The following RBPMS2 variants were observed in gnomAD, a reference collection of about 807,000 sequenced individuals.
The protein encoded by RBPMS2 is RNA binding protein, mRNA processing factor 2, also known as RNA-binding protein with multiple splicing 2.
RBPMS2 carries 14 observed loss-of-function variants against 25.7 expected under a neutral mutation model. That is an observed-to-expected ratio of 0.55 (90% CI 0.36 to 0.85). The LOEUF is 0.85. Ranked by LOEUF, RBPMS2 falls within the 40% of genes least tolerant of loss-of-function variation. RBPMS2 has a pLI of 0.01. For missense variants in RBPMS2, 252 were observed against 283.4 expected (o/e 0.89, Z 0.80); for synonymous variants, 127 against 115.6 (o/e 1.10, Z -0.63).
intron 2 of RBPMS2, among the ~76,000 whole-genome samples, chr15:64,751,113 T>C (rs1322257838): frequency 6.6e-6 from 1 of 151,874 alleles, no homozygotes; most frequent in Non-Finnish European, 1.5e-5. Flanking sequence ...GGCGGGCGGA[T>C]CACGAGGTCA....
At chr15:64,743,464 G>A (rs1408149209) in intron 6 of RBPMS2, among the ~76,000 whole-genome samples, 1 of 152,266 alleles carries the variant, frequency 6.6e-6, no homozygotes, top group Admixed American at 6.5e-5. Flanking sequence ...ATTTAGAAGG[G>A]CTGCTTTTCC....
intron 1 of RBPMS2, among the ~76,000 whole-genome samples, chr15:64,764,524 T>C (rs1169793046): frequency 1.3e-5 from 2 of 152,172 alleles, no homozygotes; most frequent in African/African-American, 4.8e-5. Context: ...TAGAAGCTGC[T>C]TCTGCAACCT....
At chr15:64,754,896 C>T (rs1442491779) in intron 1 of RBPMS2, among the ~76,000 whole-genome samples, 1 of 152,108 alleles carries the variant, frequency 6.6e-6, no homozygotes, top group East Asian at 1.9e-4. Flanking sequence ...GATGGAGGGA[C>T]CTAGATCGGT....
At chr15:64,749,218 A>G in intron 4 of RBPMS2, 68 bp from the exon 5 acceptor site, 1 of 1,571,442 alleles carries the variant, frequency 6.4e-7, no homozygotes, top group Non-Finnish European at 8.7e-7. Context: ...GGCAGAGAGT[A>G]GAGAAGGGCG....
chr15:64,747,060 G>T lies in RBPMS2; in HGVS notation c.567+1359C>A, dbSNP rs111334600. ...GTAAATACCCAACAATTCCCTCCAG[G>T]GGAAGGTCTTTACCACCTTCCTTAT... is the stretch of plus-strand genomic sequence containing the variant. On this transcript the variant is annotated intron_variant, in intron 6 of 7. Coordinates refer to ENST00000300069, the MANE Select transcript of RBPMS2 (RefSeq NM_194272.3). Among the ~76,000 whole-genome samples, 1,420 of 152,218 alleles carry T rather than the reference G, an allele frequency of 9.3e-3. 21 individuals carry two copies. The highest frequency in any genetic ancestry group is 0.032 in the African/African-American group (1,334 of 41,518).
intron 6 of RBPMS2, among the ~76,000 whole-genome samples, chr15:64,746,302 A>C (rs2083617626): frequency 6.6e-6 from 1 of 152,128 alleles, no homozygotes; most frequent in Admixed American, 6.5e-5. Context: ...GAAGGCCAGA[A>C]GGCAGGAACT....
chr15:64,754,851 A>G (rs1172106776), intron 1 of RBPMS2, among the ~76,000 whole-genome samples: 1 of 152,148 alleles, frequency 6.6e-6, no homozygotes, highest in Admixed American at 6.5e-5. Context: ...ACCTCACCCC[A>G]GAGGATGGGC....
chr15:64,773,588 G>A (rs552267688), intron 1 of RBPMS2, among the ~76,000 whole-genome samples: 54 of 152,298 alleles, frequency 3.5e-4, no homozygotes, highest in African/African-American at 1.3e-3. Context: ...TCAAGACTTA[G>A]AATGGCCACA....
intron 1 of RBPMS2, among the ~76,000 whole-genome samples, chr15:64,771,940 C>A (rs908513034): frequency 6.6e-6 from 1 of 152,188 alleles, no homozygotes; most frequent in Non-Finnish European, 1.5e-5. Flanking sequence ...GCCTGGGTGA[C>A]AAGAGTGAAA....
chr15:64,748,841 T>C (rs959868539), intron 5 of RBPMS2, among the ~76,000 whole-genome samples, 159 bp downstream of exon 5: 7 of 152,102 alleles, frequency 4.6e-5, no homozygotes, highest in African/African-American at 1.7e-4. Flanking sequence ...TCAGAAATTC[T>C]AGGCAGGCTG....
rs112876499 is a variant in RBPMS2, at chr15:64,740,935, G to A, written c.*73C>T. ...TCTGTGCAGGCCGCCCGGGGGCAGT[G>A]GGAACTCGGGGCGCCTGTCCCGGCA... On this transcript the variant is annotated 3_prime_UTR_variant, in exon 8 of 8. Transcript: ENST00000300069. 3.2e-5 allele frequency: 15 copies of A among 464,660 alleles called. No individual in the cohort carries two copies. The highest frequency in any genetic ancestry group is 3.0e-4 in the African/African-American group (15 of 50,656). The allele number at this position is 464,660 out of a possible 1,614,324, so 28.8% of individuals were successfully genotyped here.
At chr15:64,744,558 C>CA (rs35132500) in intron 6 of RBPMS2, among the ~76,000 whole-genome samples, 104,969 of 125,766 alleles carry the variant, frequency 0.83, 45,215 homozygotes, top group East Asian at 0.94. Flanking sequence ...AACTCTGTCT[C>CA]AAAAAAAAAA....
chr15:64,769,444 A>AT (rs765883294), intron 1 of RBPMS2, among the ~76,000 whole-genome samples: 481 of 145,278 alleles, frequency 3.3e-3, no homozygotes, highest in Non-Finnish European at 6.1e-3. Context: ...AAAAAAAAGA[A>AT]TTTAAAAAAT....
intron 1 of RBPMS2, among the ~76,000 whole-genome samples, chr15:64,751,854 G>A (rs1045468078): frequency 3.3e-5 from 5 of 152,140 alleles, no homozygotes; most frequent in Middle Eastern, 3.4e-3. Flanking sequence ...CAGAGGCATC[G>A]TGCTGCGTCT....
intron 1 of RBPMS2, among the ~76,000 whole-genome samples, chr15:64,770,928 C>T (rs938368542): frequency 3.5e-4 from 53 of 152,142 alleles, no homozygotes; most frequent in African/African-American, 1.3e-3. Flanking sequence ...CTCTAGGATA[C>T]CAGGCCTGCA....
chr15:64,775,355 G>A lies in RBPMS2; in HGVS notation c.-36C>T. ...AGGGGGCGGCGGGAAGGAACGCGAG[G>A]GCGAGCGCGGCGCCGGCCCCGCGGG... On this transcript the variant is annotated 5_prime_UTR_variant, in exon 1 of 8. Coordinates refer to ENST00000300069, the MANE Select transcript of RBPMS2 (RefSeq NM_194272.3). The A allele has an allele frequency of 2.5e-6, 3 of 1,184,366 alleles. No individual in the cohort carries two copies. The highest frequency in any genetic ancestry group is 2.1e-6 in the Non-Finnish European group (2 of 940,588). The allele number at this position is 1,184,366 out of a possible 1,614,324, so 73.4% of individuals were successfully genotyped here. A position where few individuals can be genotyped will look rare whatever the true frequency, so the allele number is the denominator to read the frequency against.
intron 1 of RBPMS2, among the ~76,000 whole-genome samples, chr15:64,765,214 G>C (rs1227518767): frequency 1.7e-5 from 2 of 117,674 alleles, no homozygotes; most frequent in Non-Finnish European, 3.4e-5. Flanking sequence ...GCGACAGAGC[G>C]AGACTCTGTC....
rs1161033072 is a variant in RBPMS2 at position 64,775,252 on chromosome 15, C to T, written c.68G>A (p.Gly23Asp). 3 of 1,325,996 alleles carry T rather than the reference C, an allele frequency of 2.3e-6. No individual in the cohort carries two copies. Among genetic ancestry groups the T allele is most frequent in the Admixed American group, 3.2e-5 (1 of 31,518 alleles). 82.1% of individuals were successfully genotyped at this position (1,325,996 alleles called of 1,614,324 possible). ...STGTGSGAGSGGALEEEVRTL... is the reference protein window; with the variant it reads ...STGTGSGAGSDGALEEEVRTL... ...ACCCACCTCCTCCTCCAGGGCGCCGCCGGAGCCCGCGCCGGAGCCGGTGCC... is the reference window on the plus strand; with the variant it reads ...ACCCACCTCCTCCTCCAGGGCGCCGTCGGAGCCCGCGCCGGAGCCGGTGCC... The change falls in exon 1 of 8, where the codon GGC (glycine) becomes GAC (aspartate). Residue 23 changes from glycine to aspartate, a missense_variant. By Grantham distance (94) the Gly-to-Asp change is moderately conservative. Transcript: ENST00000300069.
chr15:64,774,849 G>A (rs924013435), intron 1 of RBPMS2, among the ~76,000 whole-genome samples: 1 of 151,464 alleles, frequency 6.6e-6, no homozygotes, highest in Non-Finnish European at 1.5e-5. Flanking sequence ...CCGCCGAGGC[G>A]GGGTCCTGGC....
Sources: gnomAD v4.1 joint callset for allele counts (sites outside exome capture counted in the v4.1 genomes callset) on GRCh38, gnomAD v4.1.1 for gene constraint, MANE v1.5 for transcripts, NCBI Gene and HGNC (gene_info 2026-07-23, HGNC 2026-07-21) for gene names.